TTC23L: variants seen among roughly 807,000 people sequenced by gnomAD.
TTC23L encodes the protein tetratricopeptide repeat protein 23-like.
TTC23L carries 42 observed loss-of-function variants against 48.1 expected under a neutral mutation model. The observed-to-expected ratio is 0.87, with a 90% CI of 0.68 to 1.13. TTC23L has a LOEUF of 1.13. Ranked by LOEUF, TTC23L falls within the 50% of genes most tolerant of loss-of-function variation. TTC23L has a pLI of 0.00. For missense variants in TTC23L, 391 were observed against 421.0 expected (o/e 0.93, Z 0.62); for synonymous variants, 159 against 157.2 (o/e 1.01, Z -0.09).
intron 4 of TTC23L, among the ~76,000 whole-genome samples, chr5:34,855,432 A>G (rs568101869): frequency 3.7e-4 from 56 of 152,346 alleles, no homozygotes; most frequent in African/African-American, 1.3e-3. Flanking sequence ...AATGGAAGCC[A>G]TCTCAGTCAT....
At chr5:34,868,863 T>C (rs1235789525) in intron 7 of TTC23L, 42 bp from the exon 8 acceptor site, 3 of 1,532,620 alleles carry the variant, frequency 2.0e-6, no homozygotes, top group Non-Finnish European at 2.7e-6. Flanking sequence ...CAGTGAACAC[T>C]GTCATTGGGT....
chr5:34,885,611 G>T (rs887881741), intron 9 of TTC23L, among the ~76,000 whole-genome samples: 4 of 152,016 alleles, frequency 2.6e-5, no homozygotes, highest in African/African-American at 9.7e-5. Flanking sequence ...AAGCTGAGCA[G>T]AGTAGTGCAC....
At chr5:34,913,659 G>C in the TTC23L span, 1 of 815,332 alleles carries the variant, frequency 1.2e-6, no homozygotes, top group Non-Finnish European at 1.9e-6. Context: ...CACTTTATAC[G>C]TTTAAAAAAT....
At chr5:34,868,934 TGAAGTCAGCCCCAAAACTGCA>T (rs1761252644) in exon 8 of TTC23L, 1 of 1,610,588 alleles carries the variant, frequency 6.2e-7, no homozygotes, top group African/African-American at 1.3e-5. Flanking sequence ...CTTTGTTCAC[TGAAGTCAGCCCCAAAACTGCA>T]GAAATGAGTG....
chr5:34,859,814 TTTTTC>T (rs371028175), intron 4 of TTC23L, among the ~76,000 whole-genome samples: 7 of 150,764 alleles, frequency 4.6e-5, no homozygotes, highest in African/African-American at 9.8e-5. Flanking sequence ...GTTTTTCTTT[TTTTTC>T]TTTTCTTTTC....
At chr5:34,840,737 T>C (rs765964563) in exon 2 of TTC23L, 8 of 1,611,384 alleles carry the variant, frequency 5.0e-6, no homozygotes, top group Non-Finnish European at 6.8e-6. Flanking sequence ...TCTGCTTCCA[T>C]ATGTAAGTAT....
downstream of TTC23L, among the ~76,000 whole-genome samples, chr5:34,903,470 C>T (rs1175279843): frequency 2.6e-5 from 4 of 152,260 alleles, no homozygotes; most frequent in African/African-American, 9.6e-5. Flanking sequence ...TGAACCCACA[C>T]TGACACAGCA....
At chr5:34,851,539 C>T (rs547245271) in intron 4 of TTC23L, among the ~76,000 whole-genome samples, 1 of 152,216 alleles carries the variant, frequency 6.6e-6, no homozygotes, top group Admixed American at 6.5e-5. Context: ...CAGCGAGGCC[C>T]TTTTATGCTT....
chr5:34,879,905 A>T (rs1762103193), intron 8 of TTC23L, among the ~76,000 whole-genome samples: 1 of 152,164 alleles, frequency 6.6e-6, no homozygotes, highest in Non-Finnish European at 1.5e-5. Flanking sequence ...CTGAGACAGG[A>T]GAATCACTTG....
chr5:34,859,312 G>A (rs564878191), intron 4 of TTC23L, among the ~76,000 whole-genome samples: 1 of 152,318 alleles, frequency 6.6e-6, no homozygotes, highest in South Asian at 2.1e-4. Context: ...GTCTAAAGTA[G>A]CCATCTCGGC....
At chr5:34,896,777 A>C (rs369966723) in exon 10 of TTC23L, 46 of 768,382 alleles carry the variant, frequency 6.0e-5, no homozygotes, top group Admixed American at 1.7e-4. Context: ...AAGGACAAGT[A>C]GCAGTTCATC....
At chr5:34,894,054 A>G (rs536451652) in intron 9 of TTC23L, among the ~76,000 whole-genome samples, 2 of 152,268 alleles carry the variant, frequency 1.3e-5, no homozygotes, top group African/African-American at 4.8e-5. Context: ...TCAATACTCT[A>G]TTTATATGGG....
In TTC23L at chr5:34,860,089, C is replaced by T. The variant is rs546898875; in HGVS notation, c.380-2809C>T. On this transcript the variant is annotated intron_variant, in intron 4 of 10. Transcript: ENST00000505624. ...GTCTTGATCTCCTGACCTCGTGATC[C>T]GCCCGCCTCGGCCTCCCAAAGTGCT... 3.5e-3 allele frequency among the ~76,000 whole-genome samples: 539 copies of T among 152,046 alleles called. 2 individuals are homozygous for T. Among genetic ancestry groups the T allele is most frequent in the Middle Eastern group, 6.8e-3 (2 of 294 alleles).
At chr5:34,875,781 T>A (rs1761793178) in intron 8 of TTC23L, among the ~76,000 whole-genome samples, 2 of 152,166 alleles carry the variant, frequency 1.3e-5, no homozygotes, top group South Asian at 4.2e-4. Context: ...GCACCATCAA[T>A]CAACTTAATA....
intron 9 of TTC23L, chr5:34,883,244 G>A: frequency 6.2e-6 from 1 of 161,398 alleles, no homozygotes; most frequent in Non-Finnish European, 1.4e-5. Context: ...GCAAGACTGA[G>A]AGAGCCTACA....
chr5:34,922,483 G>C, the TTC23L span: 2 of 1,082,920 alleles, frequency 1.8e-6, no homozygotes, highest in South Asian at 2.6e-5. Flanking sequence ...TGAATAGGTG[G>C]TAAGCATTGA....
the TTC23L span, chr5:34,911,752 A>G: frequency 1.2e-6 from 2 of 1,614,178 alleles, no homozygotes; most frequent in Non-Finnish European, 8.5e-7. Flanking sequence ...TCCTTCTTCC[A>G]GGAACAGCAT....
chr5:34,884,889 T>C (rs557666810), intron 9 of TTC23L, among the ~76,000 whole-genome samples: 18 of 152,344 alleles, frequency 1.2e-4, no homozygotes, highest in African/African-American at 4.1e-4. Context: ...CCTTTTATGT[T>C]TGTTGTTCTG....
chr5:34,853,090 A>G (rs1759812333), intron 4 of TTC23L, among the ~76,000 whole-genome samples: 1 of 152,208 alleles, frequency 6.6e-6, no homozygotes, highest in Non-Finnish European at 1.5e-5. Flanking sequence ...TGAGGACACA[A>G]CTAAACCATA....
Sources: gnomAD v4.1 joint callset for allele counts (sites outside exome capture counted in the v4.1 genomes callset) on GRCh38, gnomAD v4.1.1 for gene constraint, MANE v1.5 for transcripts, NCBI Gene and HGNC (gene_info 2026-07-23, HGNC 2026-07-21) for gene names.